Variants in MYO5B observed in about 807,000 individuals in gnomAD.
MYO5B encodes unconventional myosin-Vb.
Under a neutral mutation model 229.3 loss-of-function variants are expected in MYO5B, and 143 were observed. That is an observed-to-expected ratio of 0.62 (90% confidence interval 0.54 to 0.72). MYO5B has a LOEUF of 0.72. Among genes scored for constraint, MYO5B ranks in the 30% least tolerant of loss-of-function variants. MYO5B has a pLI of 0.00. For synonymous variants in MYO5B, 918 were observed against 885.2 expected (o/e 1.04, Z -0.66); for missense variants, 2,321 against 2,331.0 (o/e 1.00, Z 0.09).
intron 21 of MYO5B, among the ~76,000 whole-genome samples, chr18:49,897,614 A>C (rs1011948285): frequency 6.6e-6 from 1 of 152,202 alleles, no homozygotes; most frequent in African/African-American, 2.4e-5. Flanking sequence ...GATATCAAGA[A>C]ATAAAAAATT....
chr18:49,914,729 G>A (rs527557562), intron 17 of MYO5B, among the ~76,000 whole-genome samples: 40 of 146,706 alleles, frequency 2.7e-4, no homozygotes, highest in African/African-American at 9.9e-4. Context: ...GCAGTGAGCC[G>A]AGATCATGCC....
At chr18:50,066,794 AG>A (rs1472761225) in intron 1 of MYO5B, among the ~76,000 whole-genome samples, 1 of 152,196 alleles carries the variant, frequency 6.6e-6, no homozygotes, top group Non-Finnish European at 1.5e-5. Flanking sequence ...TGAATTACTG[AG>A]CAGACACTAT....
intron 22 of MYO5B, among the ~76,000 whole-genome samples, chr18:49,881,566 G>A (rs914697949): frequency 1.4e-4 from 22 of 152,146 alleles, no homozygotes; most frequent in Admixed American, 7.9e-4. Flanking sequence ...ACTTTGGGAG[G>A]CTGAGGCAGG....
chr18:50,019,071 G>A (rs911292512), intron 4 of MYO5B, among the ~76,000 whole-genome samples: 4 of 152,048 alleles, frequency 2.6e-5, no homozygotes, highest in African/African-American at 4.8e-5. Context: ...TTATCCACCC[G>A]GGAGGCAAGA....
chr18:49,991,118 A>G (rs2025927805), intron 6 of MYO5B, among the ~76,000 whole-genome samples: 1 of 152,170 alleles, frequency 6.6e-6, no homozygotes, highest in Non-Finnish European at 1.5e-5. Context: ...AAGAGCCATG[A>G]GCAAGACATC....
intron 1 of MYO5B, among the ~76,000 whole-genome samples, chr18:50,189,016 A>G (rs1226322713): frequency 1.3e-5 from 2 of 152,218 alleles, no homozygotes; most frequent in Admixed American, 6.5e-5. Flanking sequence ...CGGAATTGGA[A>G]CTAGGGATGA....
chr18:49,884,918 C>G (rs373911250), intron 22 of MYO5B, among the ~76,000 whole-genome samples: 16 of 152,256 alleles, frequency 1.1e-4, no homozygotes, highest in African/African-American at 3.9e-4. Flanking sequence ...AAATACAAAT[C>G]AAAGCCACAC....
intron 9 of MYO5B, among the ~76,000 whole-genome samples, chr18:49,977,490 C>CT (rs938493333): frequency 6.6e-6 from 1 of 152,140 alleles, no homozygotes; most frequent in African/African-American, 2.4e-5. Flanking sequence ...ATCAGTGGGG[C>CT]TCTCGGTAGC....
At chr18:50,061,186 C>A (rs903058881) in intron 1 of MYO5B, among the ~76,000 whole-genome samples, 1 of 152,224 alleles carries the variant, frequency 6.6e-6, no homozygotes, top group African/African-American at 2.4e-5. Flanking sequence ...TAGAGTCAAA[C>A]AGCTTCGGAG....
chr18:50,080,193 T>A (rs1421215896), intron 1 of MYO5B, among the ~76,000 whole-genome samples: 1 of 152,124 alleles, frequency 6.6e-6, no homozygotes, highest in Non-Finnish European at 1.5e-5. Flanking sequence ...GAAGGAACTA[T>A]GAGTAAATAT....
At chr18:49,879,300 T>C (rs2024561139) in intron 23 of MYO5B, 1 of 604,226 alleles carries the variant, frequency 1.7e-6, no homozygotes, top group East Asian at 3.0e-5. Flanking sequence ...AGAAAGACCC[T>C]GCTCTCAGGG....
chr18:49,937,153 G>A, intron 15 of MYO5B, 92 bp downstream of exon 15: 1 of 1,492,750 alleles, frequency 6.7e-7, no homozygotes, highest in Non-Finnish European at 9.3e-7. Context: ...CTGCTGTGAT[G>A]GCTTCCCTCT....
rs140800311 is a variant in MYO5B at position 50,111,140 on chromosome 18, C to T, written c.28-55762G>A. Among the ~76,000 whole-genome samples the T allele has an allele frequency of 7.5e-4, 114 of 152,232 alleles. No individual in the cohort carries two copies. The East Asian group carries it at 9.3e-3, about 12-fold the overall frequency. On this transcript the variant is annotated intron_variant, in intron 1 of 39. Transcript: ENST00000285039. ...GAAAGGGATAATGCTCAGATTAGCT[C>T]AAAGATTACTAGAGTGGGAACAGAG...
intron 21 of MYO5B, among the ~76,000 whole-genome samples, chr18:49,896,131 A>G (rs921728339): frequency 6.6e-6 from 1 of 152,212 alleles, no homozygotes; most frequent in Admixed American, 6.5e-5. Context: ...AACTTCACAG[A>G]AAACAGTGAA....
chr18:49,983,227 A>G (rs193184960), intron 8 of MYO5B, among the ~76,000 whole-genome samples: 57 of 152,306 alleles, frequency 3.7e-4, no homozygotes, highest in Non-Finnish European at 6.9e-4. Flanking sequence ...AGCTTGCTCA[A>G]TAGAGGGTAT....
chr18:49,974,779 T>TCTCA (rs1555648454), intron 9 of MYO5B, among the ~76,000 whole-genome samples, 164 bp from the exon 10 acceptor site: 25 of 117,122 alleles, frequency 2.1e-4, no homozygotes, highest in African/African-American at 9.4e-4. Context: ...GCAGTCTCTC[T>TCTCA]CACACACACA....
intron 22 of MYO5B, among the ~76,000 whole-genome samples, chr18:49,890,436 G>A (rs2024698156): frequency 6.6e-6 from 1 of 152,142 alleles, no homozygotes; most frequent in Non-Finnish European, 1.5e-5. Context: ...TCTTCTAAAA[G>A]CTTATTTGGG....
intron 39 of MYO5B, among the ~76,000 whole-genome samples, chr18:49,834,228 C>T (rs1217916211): frequency 1.3e-5 from 2 of 152,222 alleles, no homozygotes; most frequent in African/African-American, 4.8e-5. Flanking sequence ...TGTTTCCTCA[C>T]GTTTCTTCAG....
At chr18:49,936,371 C>T in intron 15 of MYO5B, 22 bp from the exon 16 acceptor site, 1 of 1,548,232 alleles carries the variant, frequency 6.5e-7, no homozygotes, top group Non-Finnish European at 8.8e-7. Context: ...AAAGCCAGTG[C>T]TTGGTTAGTT....
Sources: gnomAD v4.1 joint callset for allele counts (sites outside exome capture counted in the v4.1 genomes callset) on GRCh38, gnomAD v4.1.1 for gene constraint, MANE v1.5 for transcripts, NCBI Gene and HGNC (gene_info 2026-07-23, HGNC 2026-07-21) for gene names.